Variants in SPTAN1 observed in about 807,000 individuals in gnomAD.
The protein encoded by SPTAN1 is spectrin alpha chain, non-erythrocytic 1.
SPTAN1 carries 61 observed loss-of-function variants against 331.3 expected under a neutral mutation model. The ratio of observed to expected loss-of-function variants is 0.18; its 90% CI spans 0.15 to 0.23. SPTAN1 has a LOEUF of 0.23. Among genes scored for constraint, SPTAN1 ranks in the 10% least tolerant of loss-of-function variants. The pLI is 1.00. For missense variants in SPTAN1, 2,043 were observed against 3,147.9 expected, an observed-to-expected ratio of 0.65 and a Z score of 8.40; for synonymous variants, 1,153 against 1,173.9, an observed-to-expected ratio of 0.98 and a Z score of 0.36.
chr9:128,571,291 G>A (rs117391729), intron 3 of SPTAN1, among the ~76,000 whole-genome samples: 36 of 145,780 alleles, frequency 2.5e-4, no homozygotes, highest in Admixed American at 2.7e-4. Context: ...CTGGGAAAAA[G>A]AAAAAAAAAA....
At chr9:128,608,793 CT>C in intron 34 of SPTAN1, 80 bp from the exon 35 acceptor site, 1 of 1,359,906 alleles carries the variant, frequency 7.4e-7, no homozygotes, top group Non-Finnish European at 1.1e-6. Flanking sequence ...CCCAAAATAA[CT>C]ATCCTTTTCT....
chr9:128,621,069 A>G (rs888451362), intron 44 of SPTAN1, 89 bp from the exon 45 acceptor site: 6 of 1,018,108 alleles, frequency 5.9e-6, no homozygotes, highest in Non-Finnish European at 9.4e-6. Context: ...GACAGGGACC[A>G]TAGCAGTTTT....
chr9:128,591,664 C>T, intron 22 of SPTAN1, 39 bp downstream of exon 22: 1 of 1,611,856 alleles, frequency 6.2e-7, no homozygotes, highest in South Asian at 1.1e-5. Flanking sequence ...CTAGGCGTCC[C>T]ATAGGCATAC....
chr9:128,602,091 G>A (rs138697290), intron 27 of SPTAN1, among the ~76,000 whole-genome samples: 252 of 151,698 alleles, frequency 1.7e-3, no homozygotes, highest in Non-Finnish European at 2.7e-3. Context: ...TGGAGACAGT[G>A]GGTCCACCTT....
chr9:128,603,036 T>C (rs1264291158), intron 27 of SPTAN1, among the ~76,000 whole-genome samples: 1 of 152,014 alleles, frequency 6.6e-6, no homozygotes, highest in East Asian at 2.0e-4. Flanking sequence ...AATTCACTGC[T>C]TTATTTTTTC....
chr9:128,579,770 C>T (rs937236011), intron 10 of SPTAN1, 32 bp downstream of exon 10: 2 of 1,510,814 alleles, frequency 1.3e-6, no homozygotes, highest in African/African-American at 2.7e-5. Context: ...TTTTGAGGAG[C>T]AAATTACACC....
intron 10 of SPTAN1, 93 bp downstream of exon 10, chr9:128,579,831 G>T (rs1014368633): frequency 3.9e-6 from 4 of 1,031,188 alleles, no homozygotes; most frequent in Non-Finnish European, 5.9e-6. Context: ...TCCAGAGAAC[G>T]CATTCACCAT....
At chr9:128,599,036 T>A (rs199794676) in intron 26 of SPTAN1, 50 bp downstream of exon 26, 1 of 1,586,506 alleles carries the variant, frequency 6.3e-7, no homozygotes, top group African/African-American at 1.3e-5. Context: ...AGGACTTAAA[T>A]CTTGGGAAGA....
intron 36 of SPTAN1, 61 bp from the exon 37 acceptor site, chr9:128,609,590 A>G (rs1056715969): frequency 2.8e-5 from 38 of 1,369,326 alleles, no homozygotes; most frequent in South Asian, 2.4e-4. Flanking sequence ...TCTATTTAAT[A>G]GCTGATATGT....
At chr9:128,626,845 G>T (rs1031993223) in intron 49 of SPTAN1, among the ~76,000 whole-genome samples, 158 bp downstream of exon 49, 2 of 152,138 alleles carry the variant, frequency 1.3e-5, no homozygotes, top group Non-Finnish European at 2.9e-5. Context: ...TTGAGGCAGG[G>T]TCTCTGTCAC....
chr9:128,577,646 TTCTC>T lies in SPTAN1; in HGVS notation c.1085+144_1085+147del. ...AAATGCAAATCACTTCTTACCTATG[TTCTC>T]TCTGTTTGGAGACTGGCAACTGTAT... On this transcript the variant is annotated intron_variant, in intron 8 of 56. Coordinates refer to ENST00000372739, the MANE Select transcript of SPTAN1 (RefSeq NM_001130438.3). This position sits in a 1 kb window ranked among gnomAD's most constrained non-coding sequence, Gnocchi z 4.2. 1 of 1,160,034 alleles carries T rather than the reference TTCTC, an allele frequency of 8.6e-7. No individual in the cohort carries two copies. The highest frequency in any genetic ancestry group is 1.3e-6 in the Non-Finnish European group (1 of 790,800). 71.9% of individuals were successfully genotyped at this position (1,160,034 alleles called of 1,614,324 possible).
rs149289060 is a variant in SPTAN1, at chr9:128,577,336, C to T, written c.931-16C>T. The T allele has an allele frequency of 3.7e-3, 5,989 of 1,614,156 alleles. 15 individuals are homozygous for T. The highest frequency in any genetic ancestry group is 6.4e-3 in the Middle Eastern group (39 of 6,062). On this transcript the variant is annotated splice_polypyrimidine_tract_variant and intron_variant, in intron 7 of 56. Transcript: ENST00000372739. The surrounding 1 kb of genome is among the most constrained non-coding windows in gnomAD (Gnocchi z 4.2). The stretch of plus-strand genomic sequence containing the variant: ...CCAAGGGTCAGGAGAATAGTTCTGA[C>T]GGAGTTCATTTCTAGGTCAAAGCCC...
At position 128,578,269 on chromosome 9, in the gene SPTAN1, C is replaced by G. The variant is rs758078340; in HGVS notation, c.1221+24C>G. ...AGGTAATGGTATCTCTAGAATCTTC[C>G]AGAAGTGAAGATTTTAGCTTATAAT... On this transcript the variant is annotated intron_variant, in intron 9 of 56. Transcript: ENST00000372739. 1.0e-4 allele frequency: 169 copies of G among 1,613,270 alleles called. No individual in the cohort carries two copies. The African/African-American group carries it at 2.2e-3, about 21-fold the overall frequency.
intron 52 of SPTAN1, 188 bp downstream of exon 52, chr9:128,630,563 T>G: frequency 1.7e-6 from 1 of 597,920 alleles, no homozygotes; most frequent in Non-Finnish European, 3.0e-6. Flanking sequence ...ATGGAATCTC[T>G]CTCTCGCCCA....
chr9:128,615,510 C>T (rs1034237705), intron 40 of SPTAN1, 122 bp from the exon 41 acceptor site: 2 of 948,570 alleles, frequency 2.1e-6, no homozygotes, highest in Non-Finnish European at 1.7e-6. Context: ...GCCAGAGGTC[C>T]ACATAACAGA....
intron 29 of SPTAN1, 100 bp from the exon 30 acceptor site, chr9:128,604,934 G>T: frequency 8.1e-7 from 1 of 1,229,634 alleles, no homozygotes; most frequent in Admixed American, 2.3e-5. Context: ...CTCCATCTCA[G>T]TAAATAAATA....
intron 43 of SPTAN1, 125 bp downstream of exon 43, chr9:128,618,233 C>G: frequency 6.9e-7 from 1 of 1,454,822 alleles, no homozygotes; most frequent in Non-Finnish European, 9.4e-7. Context: ...TCACATGTGC[C>G]ATAGTCGGTT....
At chr9:128,632,525 T>C in intron 54 of SPTAN1, 41 bp downstream of exon 54, 9 of 1,614,118 alleles carry the variant, frequency 5.6e-6, no homozygotes, top group Non-Finnish European at 6.8e-6. Context: ...TGGGGGGTGT[T>C]CGGCAGCAGG....
intron 1 of SPTAN1, among the ~76,000 whole-genome samples, chr9:128,559,574 A>G (rs1483272775): frequency 6.6e-6 from 1 of 152,110 alleles, no homozygotes; most frequent in Non-Finnish European, 1.5e-5. Flanking sequence ...TTCCTTGGAA[A>G]ATTTCTTTAC....
Sources: allele counts gnomAD v4.1 joint callset (sites outside exome capture counted in the v4.1 genomes callset), GRCh38; gene constraint gnomAD v4.1.1; non-coding constraint Gnocchi (gnomAD v3.1); transcripts MANE v1.5; gene names NCBI Gene and HGNC (gene_info 2026-07-23, HGNC 2026-07-21).